Variants in NID1 observed in about 807,000 individuals in gnomAD.
The protein encoded by NID1 is nidogen-1.
Under a neutral mutation model 130.6 loss-of-function variants are expected in NID1, and 76 were observed. The ratio of observed to expected loss-of-function variants is 0.58; its 90% CI spans 0.48 to 0.70. The LOEUF (loss-of-function observed/expected upper bound fraction) is 0.70. NID1 is among the 30% of genes least tolerant of loss of function. The pLI is 0.00. For missense variants in NID1, 1,517 were observed against 1,664.8 expected, an observed-to-expected ratio of 0.91 and a Z score of 1.54; for synonymous variants, 665 against 675.1, an observed-to-expected ratio of 0.98 and a Z score of 0.23.
chr1:235,997,899 T>C (rs2147800), intron 12 of NID1, among the ~76,000 whole-genome samples: 46,320 of 152,052 alleles, frequency 0.3, 9,653 homozygotes, highest in East Asian at 0.58. Flanking sequence ...TGAGCCACCA[T>C]GCCTGGCCTC....
intron 12 of NID1, among the ~76,000 whole-genome samples, chr1:235,994,107 CT>C (rs1657848172): frequency 6.6e-6 from 1 of 152,208 alleles, no homozygotes; most frequent in African/African-American, 2.4e-5. Flanking sequence ...TTTTAAAACA[CT>C]TTTAAAAAAT....
intron 5 of NID1, among the ~76,000 whole-genome samples, chr1:236,034,314 C>T (rs1234756117): frequency 2.0e-5 from 3 of 150,680 alleles, no homozygotes; most frequent in Non-Finnish European, 4.4e-5. Flanking sequence ...CCTAGCTACT[C>T]AGGAGGCTGA....
intron 1 of NID1, among the ~76,000 whole-genome samples, chr1:236,059,938 A>G (rs1452915410): frequency 6.6e-6 from 1 of 152,012 alleles, no homozygotes; most frequent in Non-Finnish European, 1.5e-5. Context: ...CGTCTCTACT[A>G]AAAATACAAA....
Position 235,977,676 on chromosome 1 carries a change from G to A in NID1, c.*191C>T, listed in dbSNP as rs1029254365. 4.0e-5 allele frequency: 24 copies of A among 593,422 alleles called. No individual in the cohort carries two copies. The highest frequency in any genetic ancestry group is 3.0e-6 in the Non-Finnish European group (1 of 337,686). 36.8% of individuals were successfully genotyped at this position (593,422 alleles called of 1,614,324 possible). On this transcript the variant is annotated 3_prime_UTR_variant, in exon 20 of 20. Coordinates refer to ENST00000264187, the MANE Select transcript of NID1 (RefSeq NM_002508.3). ...GGTTCTGTCCTTGTGTAGGGGTGGA[G>A]ACTTTTCTATTAGAGAAGTCCAGGG...
chr1:236,063,539 C>A (rs190864739), intron 1 of NID1, among the ~76,000 whole-genome samples: 66 of 151,698 alleles, frequency 4.4e-4, no homozygotes, highest in African/African-American at 1.5e-3. Context: ...TACATAAGAG[C>A]ATAAGATGTG....
intron 1 of NID1, among the ~76,000 whole-genome samples, chr1:236,058,107 A>C (rs1207384910): frequency 6.6e-6 from 1 of 152,218 alleles, no homozygotes; most frequent in Non-Finnish European, 1.5e-5. Flanking sequence ...ATCTTAAGGT[A>C]ACTTAAGGTA....
intron 5 of NID1, among the ~76,000 whole-genome samples, chr1:236,033,256 C>T (rs1659154630): frequency 6.6e-6 from 1 of 152,098 alleles, no homozygotes; most frequent in South Asian, 2.1e-4. Flanking sequence ...TGCAGTGAGC[C>T]AAGATCATGC....
chr1:236,040,875 G>T (rs1190413653), intron 4 of NID1, among the ~76,000 whole-genome samples: 2 of 152,242 alleles, frequency 1.3e-5, no homozygotes, highest in African/African-American at 4.8e-5. Context: ...ATGTTGTCCA[G>T]GCTGGTCTCC....
chr1:236,038,363 G>C, intron 4 of NID1, 110 bp from the exon 5 acceptor site: 1 of 1,128,782 alleles, frequency 8.9e-7, no homozygotes. Flanking sequence ...ACCTGCATGG[G>C]CAATTCAAGG....
intron 4 of NID1, among the ~76,000 whole-genome samples, chr1:236,041,431 TG>T (rs1475288727): frequency 6.6e-6 from 1 of 152,072 alleles, no homozygotes; most frequent in African/African-American, 2.4e-5. Context: ...AAACCAACTC[TG>T]AAACTGACGG....
At chr1:236,017,797 C>G (rs1334509874) in intron 9 of NID1, among the ~76,000 whole-genome samples, 1 of 152,174 alleles carries the variant, frequency 6.6e-6, no homozygotes, top group African/African-American at 2.4e-5. Context: ...CTTCCCCCAC[C>G]TCTCCTAGAG....
chr1:236,044,881 C>T (rs1659553999), intron 3 of NID1, among the ~76,000 whole-genome samples: 1 of 152,108 alleles, frequency 6.6e-6, no homozygotes, highest in Admixed American at 6.5e-5. Flanking sequence ...TTATTTCTAA[C>T]AGTGTTTATA....
intron 12 of NID1, among the ~76,000 whole-genome samples, chr1:235,999,990 G>A (rs1434838544): frequency 2.0e-5 from 3 of 152,070 alleles, no homozygotes; most frequent in Non-Finnish European, 4.4e-5. Context: ...GAGGCGGGTG[G>A]ATCACTTGAG....
chr1:236,037,072 A>C (rs992005606), intron 5 of NID1, among the ~76,000 whole-genome samples: 20 of 152,078 alleles, frequency 1.3e-4, no homozygotes, highest in African/African-American at 4.8e-4. Flanking sequence ...CATTACCAGG[A>C]CCCCCAGATT....
At chr1:236,039,060 AT>A (rs1015474107) in intron 4 of NID1, among the ~76,000 whole-genome samples, 3 of 141,254 alleles carry the variant, frequency 2.1e-5, no homozygotes, top group African/African-American at 7.7e-5. Flanking sequence ...ATATATTTAT[AT>A]ATACATTATA....
intron 1 of NID1, among the ~76,000 whole-genome samples, chr1:236,055,042 C>T (rs1217646458): frequency 2.0e-5 from 3 of 152,032 alleles, no homozygotes; most frequent in Non-Finnish European, 2.9e-5. Flanking sequence ...CGGTGGCTCA[C>T]GCCTGTAATC....
chr1:235,995,386 C>A (rs2102803209), intron 12 of NID1, among the ~76,000 whole-genome samples: 1 of 152,206 alleles, frequency 6.6e-6, no homozygotes, highest in East Asian at 1.9e-4. Flanking sequence ...GAACCAATGC[C>A]CCGTGGATAC....
intron 12 of NID1, among the ~76,000 whole-genome samples, chr1:235,994,700 C>CTTTTTTTTT (rs11397466): frequency 7.0e-6 from 1 of 142,130 alleles, no homozygotes. Context: ...TCTTCTTCTT[C>CTTTTTTTTT]TTTTTTTTTT....
chr1:235,993,506 A>G, intron 13 of NID1, 139 bp downstream of exon 13: 1 of 747,514 alleles, frequency 1.3e-6, no homozygotes, highest in Non-Finnish European at 2.1e-6. Context: ...AGAAGGGTGC[A>G]GCAGGAGCGG....
Sources: allele counts gnomAD v4.1 joint callset (sites outside exome capture counted in the v4.1 genomes callset), GRCh38; gene constraint gnomAD v4.1.1; transcripts MANE v1.5; gene names NCBI Gene and HGNC (gene_info 2026-07-23, HGNC 2026-07-21).